Variants in CDH22 observed in about 807,000 individuals in gnomAD.
CDH22 encodes the protein cadherin 22.
In CDH22, 30 loss-of-function variants were observed where a neutral mutation model predicts 58.4. The ratio of observed to expected loss-of-function variants is 0.51; its 90% CI spans 0.38 to 0.70. The LOEUF (loss-of-function observed/expected upper bound fraction) is 0.70, where lower values mean the gene tolerates loss of function less well. CDH22 is among the 30% of genes least tolerant of loss of function. CDH22 has a pLI of 0.00. For missense variants in CDH22, 1,014 were observed against 1,233.9 expected, an observed-to-expected ratio of 0.82 and a Z score of 2.67; for synonymous variants, 513 against 558.2, an observed-to-expected ratio of 0.92 and a Z score of 1.14.
At chr20:46,274,138 G>A (rs2086505759) in intron 1 of CDH22, among the ~76,000 whole-genome samples, 1 of 152,236 alleles carries the variant, frequency 6.6e-6, no homozygotes, top group Non-Finnish European at 1.5e-5. Context: ...AGAGGACTCT[G>A]CAGCTTCGAA....
At chr20:46,296,616 C>T (rs998675570) in intron 1 of CDH22, among the ~76,000 whole-genome samples, 1 of 152,166 alleles carries the variant, frequency 6.6e-6, no homozygotes, top group African/African-American at 2.4e-5. Context: ...TGGGAATGGG[C>T]CCTGGAGCAA....
chr20:46,277,734 G>C (rs1418499179), intron 1 of CDH22, among the ~76,000 whole-genome samples: 1 of 152,018 alleles, frequency 6.6e-6, no homozygotes, highest in Non-Finnish European at 1.5e-5. Context: ...GGATCAGGGC[G>C]TCCTCAGTGA....
chr20:46,230,909 C>T (rs773624153), intron 3 of CDH22, among the ~76,000 whole-genome samples: 22 of 152,160 alleles, frequency 1.4e-4, no homozygotes, highest in Non-Finnish European at 3.1e-4. Flanking sequence ...TTCAAACCCA[C>T]GTGGATCTGA....
At chr20:46,222,485 C>T (rs1172185460) in intron 4 of CDH22, among the ~76,000 whole-genome samples, 1 of 152,188 alleles carries the variant, frequency 6.6e-6, no homozygotes, top group Non-Finnish European at 1.5e-5. Flanking sequence ...TCATTCCCTC[C>T]CTGTAAAATG....
Position 46,178,586 on chromosome 20 carries a change from C to CTTTTTTTTTTTTTTTTTTTTTTTTT in CDH22, c.1664-390_1664-389insAAAAAAAAAAAAAAAAAAAAAAAAA, listed in dbSNP as rs33937889. On this transcript the variant is annotated intron_variant, in intron 10 of 11. Coordinates refer to ENST00000537909, the MANE Select transcript of CDH22 (RefSeq NM_021248.3). Reference sequence around the variant, plus strand: ...GCCAAGGTCCTGTCCCTGGCGTTGTCTTTTTTTTTTTTTTTTTTTTTGCCA... The same window carrying CTTTTTTTTTTTTTTTTTTTTTTTTT: ...GCCAAGGTCCTGTCCCTGGCGTTGTCTTTTTTTTTTTTTTTTTTTTTTTTTTTTTTTTTTTTTTTTTTTTTTGCCA... Among the ~76,000 whole-genome samples, 6 of 95,376 alleles carry CTTTTTTTTTTTTTTTTTTTTTTTTT rather than the reference C, an allele frequency of 6.3e-5. 2 individuals are homozygous for CTTTTTTTTTTTTTTTTTTTTTTTTT. The highest frequency in any genetic ancestry group is 6.1e-5 in the Non-Finnish European group (3 of 49,404). 62.6% of individuals were successfully genotyped at this position (95,376 alleles called of 152,430 possible).
intron 10 of CDH22, among the ~76,000 whole-genome samples, chr20:46,180,952 G>GTGTGTGTGTT: frequency 6.6e-6 from 1 of 151,762 alleles, no homozygotes; most frequent in East Asian, 1.9e-4. Context: ...GTGTGTGTGT[G>GTGTGTGTGTT]TGTGTGTGTG....
intron 1 of CDH22, among the ~76,000 whole-genome samples, chr20:46,304,499 T>G (rs1767422893): frequency 6.6e-6 from 1 of 152,216 alleles, no homozygotes; most frequent in Admixed American, 6.5e-5. Flanking sequence ...TGGACTCCAA[T>G]GCCTACGCGC....
intron 8 of CDH22, 75 bp from the exon 9 acceptor site, chr20:46,187,022 A>G: frequency 7.0e-7 from 1 of 1,434,760 alleles, no homozygotes; most frequent in South Asian, 1.4e-5. Flanking sequence ...TACTATGAGG[A>G]CAATAGTAGG....
chr20:46,243,620 G>A (rs2086308404), intron 2 of CDH22, among the ~76,000 whole-genome samples: 1 of 152,200 alleles, frequency 6.6e-6, no homozygotes, highest in Non-Finnish European at 1.5e-5. Context: ...TGAGGATGAG[G>A]AGACCTGTCT....
intron 10 of CDH22, among the ~76,000 whole-genome samples, chr20:46,184,179 A>G (rs903472021): frequency 6.7e-6 from 1 of 149,972 alleles, no homozygotes; most frequent in African/African-American, 2.5e-5. Context: ...CCTCACTGCA[A>G]CCTCCGCCTC....
At chr20:46,247,578 T>C (rs1451175965) in intron 2 of CDH22, among the ~76,000 whole-genome samples, 4 of 152,190 alleles carry the variant, frequency 2.6e-5, no homozygotes, top group African/African-American at 9.7e-5. Flanking sequence ...TGTGCATAGG[T>C]TATCGGCAAA....
In CDH22 at chr20:46,251,493, A is replaced by AG; in HGVS notation, c.-200dup. ...CGCGGGGGTACCCGGCTGGAGGGGG[A>AG]GGGGGCGCGGCCGCATCCGGGGCAT... is the stretch of plus-strand genomic sequence containing the variant. On this transcript the variant is annotated 5_prime_UTR_variant, in exon 2 of 12. It removes the in-frame stop codon of an upstream open reading frame in the 5' UTR. Transcript: ENST00000537909. This position sits in a 1 kb window ranked among gnomAD's most constrained non-coding sequence, Gnocchi z 6.7. 2.1e-6 allele frequency: 1 copy of AG among 487,568 alleles called. No homozygotes were observed. Among genetic ancestry groups the AG allele is most frequent in the Non-Finnish European group, 3.2e-6 (1 of 314,362 alleles). The allele number at this position is 487,568 out of a possible 1,614,324, so 30.2% of individuals were successfully genotyped here. A position where few individuals can be genotyped will look rare whatever the true frequency, so the allele number is the denominator to read the frequency against.
intron 1 of CDH22, among the ~76,000 whole-genome samples, chr20:46,258,951 T>C (rs982026365): frequency 2.0e-5 from 3 of 152,078 alleles, no homozygotes; most frequent in Non-Finnish European, 4.4e-5. Flanking sequence ...CTTCAGGGGG[T>C]TTGGGACAGC....
At chr20:46,303,517 T>TAATGCTTTATATGTAAATATATGTA (rs2086661398) in intron 1 of CDH22, among the ~76,000 whole-genome samples, 1 of 152,226 alleles carries the variant, frequency 6.6e-6, no homozygotes, top group African/African-American at 2.4e-5. Context: ...TAACACATAG[T>TAATGCTTTATATGTAAATATATGTA]AATGCTTTAT....
chr20:46,270,238 A>G (rs2086480262), intron 1 of CDH22, among the ~76,000 whole-genome samples: 1 of 152,116 alleles, frequency 6.6e-6, no homozygotes, highest in Non-Finnish European at 1.5e-5. Flanking sequence ...TTCTGACCTG[A>G]TGGTGCTGGG....
intron 10 of CDH22, among the ~76,000 whole-genome samples, chr20:46,180,870 A>G (rs1167702988): frequency 6.6e-6 from 1 of 151,688 alleles, no homozygotes; most frequent in Non-Finnish European, 1.5e-5. Context: ...AGTACCTAGG[A>G]CTACAGGTAT....
At chr20:46,185,685 C>G (rs1173021870) in intron 10 of CDH22, among the ~76,000 whole-genome samples, 2 of 151,774 alleles carry the variant, frequency 1.3e-5, no homozygotes, top group African/African-American at 2.4e-5. Context: ...CTGGGCAACA[C>G]AGCAAGACCC....
chr20:46,205,304 C>T (rs2085993342), intron 7 of CDH22, among the ~76,000 whole-genome samples: 1 of 151,462 alleles, frequency 6.6e-6, no homozygotes, highest in African/African-American at 2.4e-5. Context: ...ATCCTTCTTC[C>T]AACCCTGAGA....
intron 4 of CDH22, among the ~76,000 whole-genome samples, chr20:46,226,864 C>A (rs1182884922): frequency 6.6e-6 from 1 of 152,184 alleles, no homozygotes; most frequent in African/African-American, 2.4e-5. Flanking sequence ...TCTTCTCATC[C>A]TGTCCTCCTC....
Sources: allele counts gnomAD v4.1 joint callset (sites outside exome capture counted in the v4.1 genomes callset), GRCh38; gene constraint gnomAD v4.1.1; non-coding constraint Gnocchi (gnomAD v3.1); transcripts MANE v1.5; gene names NCBI Gene and HGNC (gene_info 2026-07-23, HGNC 2026-07-21).